COL18A1: variants seen among roughly 807,000 people sequenced by gnomAD.
The protein encoded by COL18A1 is collagen type XVIII alpha 1 chain, also known as collagen alpha-1(XVIII) chain.
In COL18A1, 133 loss-of-function variants were observed where a neutral mutation model predicts 168.0. The observed-to-expected ratio is 0.79, with a 90% CI of 0.69 to 0.91. The LOEUF (loss-of-function observed/expected upper bound fraction) is 0.91, where lower values mean the gene tolerates loss of function less well. Ranked by LOEUF, COL18A1 falls within the 40% of genes least tolerant of loss-of-function variation. COL18A1 has a pLI of 0.00. For missense variants in COL18A1, 2,126 were observed against 1,925.4 expected (o/e 1.10, Z -1.95); for synonymous variants, 949 against 809.0 (o/e 1.17, Z -2.94).
chr21:45,448,550 C>G (rs1273679816), intron 2 of COL18A1, among the ~76,000 whole-genome samples: 1 of 152,252 alleles, frequency 6.6e-6, no homozygotes, highest in African/African-American at 2.4e-5. Flanking sequence ...CTTCTGCATA[C>G]CCACATGCAA....
intron 32 of COL18A1, among the ~76,000 whole-genome samples, chr21:45,499,897 CA>C (rs2036681826): frequency 6.6e-6 from 1 of 152,188 alleles, no homozygotes; most frequent in South Asian, 2.1e-4. Context: ...AGGGAATAAA[CA>C]GTAGATTTAG....
At chr21:45,418,748 A>C (rs1444021685) in intron 2 of COL18A1, among the ~76,000 whole-genome samples, 14 of 151,852 alleles carry the variant, frequency 9.2e-5, no homozygotes, top group Admixed American at 1.3e-4. Context: ...GGGCAGCGGC[A>C]CCTCCTCAGG....
At chr21:45,451,399 G>T (rs2034619280) in intron 2 of COL18A1, among the ~76,000 whole-genome samples, 1 of 152,190 alleles carries the variant, frequency 6.6e-6, no homozygotes, top group African/African-American at 2.4e-5. Flanking sequence ...CCCTCCTGTT[G>T]TCATAACTGA....
intron 2 of COL18A1, among the ~76,000 whole-genome samples, chr21:45,452,954 ATG>A (rs1234945370): frequency 1.4e-5 from 2 of 144,490 alleles, no homozygotes; most frequent in African/African-American, 4.9e-5. Flanking sequence ...ATGTATGTAC[ATG>A]TGTGACCTTG....
At chr21:45,421,269 T>C (rs2033614489) in intron 2 of COL18A1, 1 of 379,766 alleles carries the variant, frequency 2.6e-6, no homozygotes, top group Admixed American at 3.3e-5. Flanking sequence ...AAGCCAGATC[T>C]GGGATCCCAG....
chr21:45,490,084 ACTCCCCC>A (rs1471565767), intron 19 of COL18A1, among the ~76,000 whole-genome samples, 184 bp from the exon 20 acceptor site: 1 of 892 alleles, frequency 1.1e-3, no homozygotes, highest in African/African-American at 5.3e-3. Context: ...CCTCCCCCCG[ACTCCCCC>A]CTCCCCCTGA....
chr21:45,496,129 C>T (rs2036536116), intron 29 of COL18A1: 3 of 408,632 alleles, frequency 7.3e-6, no homozygotes, highest in Non-Finnish European at 1.4e-5. Flanking sequence ...GCCCTCCATG[C>T]TGGGGGTTCT....
chr21:45,468,758 C>A lies in COL18A1; in HGVS notation c.623C>A (p.Ala208Glu), dbSNP rs773440175. Residue 208 changes from alanine (A) to glutamate (E), a missense_variant, in exon 3 of 42, where the codon GCG becomes GAG. Transcript: ENST00000651438. ...EPGAGLFVAQ[A>E]GGADPDKFQG... ...GGCGCCGGGCTCTTCGTGGCTCAGG[C>A]GGGGGGAGCGGACCCTGACAAGTTC... The A allele has an allele frequency of 7.1e-7, 1 of 1,406,846 alleles. No individual in the cohort carries two copies. Among genetic ancestry groups the A allele is most frequent in the Non-Finnish European group, 9.5e-7 (1 of 1,055,000 alleles). 87.1% of individuals were successfully genotyped at this position (1,406,846 alleles called of 1,614,324 possible). A position where few individuals can be genotyped will look rare whatever the true frequency, so the allele number is the denominator to read the frequency against.
At position 45,464,981 on chromosome 21, in the gene COL18A1, A is replaced by C. The variant is rs56095707; in HGVS notation, c.107-3261A>C. 4.8e-3 allele frequency among the ~76,000 whole-genome samples: 732 copies of C among 152,258 alleles called. 6 individuals are homozygous for C. Among genetic ancestry groups the C allele is most frequent in the African/African-American group, 0.016 (682 of 41,560 alleles). ...CACGGCTGCACATGTGTACATATGC[A>C]TGGGAGTCTTACTTTGCATTAATGG... is the stretch of plus-strand genomic sequence containing the variant. On this transcript the variant is annotated intron_variant, in intron 2 of 41. Coordinates refer to ENST00000651438, the MANE Select transcript of COL18A1 (RefSeq NM_001379500.1).
intron 2 of COL18A1, among the ~76,000 whole-genome samples, chr21:45,455,005 C>CTTGGGCAGCCA (rs2034746561): frequency 6.6e-6 from 1 of 152,260 alleles, no homozygotes; most frequent in Admixed American, 6.5e-5. Context: ...TGTTTAACGA[C>CTTGGGCAGCCA]TTGGGCAGCC....
Position 45,475,457 on chromosome 21 carries a change from C to A in COL18A1, c.739-19C>A. ...CCTGGCTGCCATCTCTCCAGCCTTT[C>A]CCTTTTCAAACTCCTCAGGCATCCG... On this transcript the variant is annotated intron_variant, in intron 4 of 41. Transcript: ENST00000651438. 1 of 1,587,952 alleles carries A rather than the reference C, an allele frequency of 6.3e-7. No homozygotes were observed. Among genetic ancestry groups the A allele is most frequent in the Non-Finnish European group, 8.6e-7 (1 of 1,168,476 alleles).
At position 45,457,774 on chromosome 21, in the gene COL18A1, A is replaced by G. The variant is rs2034892261; in HGVS notation, c.107-10468A>G. ...TGTCCTCCTCTGCTGTCCTCCCCAT[A>G]GTGCCGAGGGGAAGCAGCCTTGCTG... On this transcript the variant is annotated intron_variant, in intron 2 of 41. Transcript: ENST00000651438. The surrounding 1 kb of genome is among the most constrained non-coding windows in gnomAD (Gnocchi z 4.6). Among the ~76,000 whole-genome samples the G allele has an allele frequency of 6.6e-6, 1 of 152,060 alleles. No homozygotes were observed. Among genetic ancestry groups the G allele is most frequent in the Non-Finnish European group, 1.5e-5 (1 of 68,008 alleles).
intron 36 of COL18A1, 108 bp from the exon 37 acceptor site, chr21:45,505,730 A>C: frequency 1.1e-6 from 1 of 946,834 alleles, no homozygotes; most frequent in Non-Finnish European, 1.6e-6. Context: ...ACACCTGTCC[A>C]AAGCCCTGCG....
At chr21:45,406,510 C>G (rs954071502) in intron 2 of COL18A1, among the ~76,000 whole-genome samples, 1 of 152,212 alleles carries the variant, frequency 6.6e-6, no homozygotes, top group South Asian at 2.1e-4. Context: ...CTTGTTGAGT[C>G]GTAGACAATT....
At chr21:45,410,103 C>G (rs1014099767) in intron 2 of COL18A1, 1 of 152,212 alleles carries the variant, frequency 6.6e-6, no homozygotes, top group East Asian at 1.9e-4. Flanking sequence ...GCCTTCCCCC[C>G]GCAGCTCCTC....
chr21:45,506,560 G>A (rs575136250), intron 37 of COL18A1: 350 of 190,380 alleles, frequency 1.8e-3, no homozygotes, highest in Middle Eastern at 4.9e-3. Context: ...CCAGGTGGGT[G>A]CGGCCATGCT....
chr21:45,409,123 C>T (rs2033212160), intron 2 of COL18A1, among the ~76,000 whole-genome samples: 1 of 151,860 alleles, frequency 6.6e-6, no homozygotes, highest in South Asian at 2.1e-4. Context: ...GGGGCCACCC[C>T]AGTGCCTGCC....
At chr21:45,479,536 CTCACACA>C (rs983788163) in intron 9 of COL18A1, among the ~76,000 whole-genome samples, 16 of 151,090 alleles carry the variant, frequency 1.1e-4, no homozygotes, top group Non-Finnish European at 2.2e-4. Context: ...TACATGCACA[CTCACACA>C]TCACACATAC....
rs2035757353 is a variant in COL18A1 at position 45,478,331 on chromosome 21, AC to A, written c.1230del (p.Gly411ValfsTer21). 6.2e-7 allele frequency: 1 copy of A among 1,611,866 alleles called. No individual in the cohort carries two copies. The part of the protein sequence containing the change: ...GTPGRDGEPG[D>X]PGEDGKPGDT... ...TGGCTTCTCTTGCACACCCAGGGCG[AC>A]CCCGGTGAAGACGGAAAGCCGGTGA... On this transcript the variant is annotated frameshift_variant, in exon 9 of 42. Coordinates refer to ENST00000651438, the MANE Select transcript of COL18A1 (RefSeq NM_001379500.1). LOFTEE classifies it high-confidence loss of function.
Sources: allele counts gnomAD v4.1 joint callset (sites outside exome capture counted in the v4.1 genomes callset), GRCh38; gene constraint gnomAD v4.1.1; non-coding constraint Gnocchi (gnomAD v3.1); transcripts MANE v1.5; gene names NCBI Gene and HGNC (gene_info 2026-07-23, HGNC 2026-07-21).